Variants in TLL1 observed in about 807,000 individuals in gnomAD.
TLL1 encodes tolloid-like protein 1.
Under a neutral mutation model 128.2 loss-of-function variants are expected in TLL1, and 49 were observed. That is an observed-to-expected ratio of 0.38 (90% CI 0.30 to 0.48). TLL1 has a LOEUF of 0.48. TLL1 is among the 20% of genes least tolerant of loss of function. TLL1 has a pLI of 0.96. For synonymous variants in TLL1, 454 were observed against 418.8 expected, an observed-to-expected ratio of 1.08 and a Z score of -1.03; for missense variants, 1,123 against 1,242.0, an observed-to-expected ratio of 0.90 and a Z score of 1.44.
chr4:166,071,404 A>G (rs964839378), intron 16 of TLL1, among the ~76,000 whole-genome samples: 9 of 151,936 alleles, frequency 5.9e-5, no homozygotes, highest in African/African-American at 1.4e-4. Flanking sequence ...GAAAGCAGAC[A>G]TGTCCATTCC....
At chr4:165,874,165 C>T in intron 1 of TLL1, 92 bp downstream of exon 1, 1 of 1,495,280 alleles carries the variant, frequency 6.7e-7, no homozygotes, top group Non-Finnish European at 9.3e-7. Context: ...CTGTTTCCTT[C>T]CCTCCCGCGT....
intron 18 of TLL1, among the ~76,000 whole-genome samples, chr4:166,080,509 T>C (rs1168085097): frequency 1.3e-5 from 2 of 152,156 alleles, no homozygotes; most frequent in Non-Finnish European, 2.9e-5. Context: ...GATATAAACA[T>C]AGGGGCCATG....
chr4:165,919,488 TTTG>T (rs777464971), intron 1 of TLL1, among the ~76,000 whole-genome samples: 21 of 152,046 alleles, frequency 1.4e-4, no homozygotes, highest in Non-Finnish European at 2.4e-4. Context: ...TTATTACAAT[TTTG>T]TTGTTATTTA....
intron 1 of TLL1, among the ~76,000 whole-genome samples, chr4:165,877,440 A>C (rs377041365): frequency 1.3e-5 from 2 of 152,214 alleles, no homozygotes; most frequent in East Asian, 1.9e-4. Context: ...TGAATATACA[A>C]TCAGGTTTCT....
intron 16 of TLL1, among the ~76,000 whole-genome samples, chr4:166,068,910 C>T (rs1740692251): frequency 1.3e-5 from 2 of 151,750 alleles, no homozygotes; most frequent in Non-Finnish European, 2.9e-5. Context: ...AGTGTCTACA[C>T]AGCTAAGCAT....
At chr4:166,012,729 C>T (rs928703022) in intron 7 of TLL1, among the ~76,000 whole-genome samples, 2 of 151,676 alleles carry the variant, frequency 1.3e-5, no homozygotes, top group Non-Finnish European at 3.0e-5. Flanking sequence ...ATGAACTATG[C>T]ACAGATCTCA....
rs576192130 is a variant in TLL1, at chr4:166,061,465, G to A, written c.2007+1277G>A. 5.3e-5 allele frequency among the ~76,000 whole-genome samples: 8 copies of A among 152,048 alleles called. No individual in the cohort carries two copies. In the South Asian group the frequency reaches 1.2e-3, roughly 24 times the overall value. ...TCACCATGTTGGCCAGGCTAATCTC[G>A]AATTCTTGACTTCAAGTGATCCGCC... On this transcript the variant is annotated intron_variant, in intron 15 of 20. Transcript: ENST00000061240.
At chr4:165,902,932 C>T (rs1437557552) in intron 1 of TLL1, among the ~76,000 whole-genome samples, 1 of 152,122 alleles carries the variant, frequency 6.6e-6, no homozygotes, top group African/African-American at 2.4e-5. Context: ...TTCAGTTGGG[C>T]AACGATTTAA....
intron 1 of TLL1, among the ~76,000 whole-genome samples, chr4:165,909,481 A>T (rs1476296689): frequency 6.6e-6 from 1 of 152,198 alleles, no homozygotes; most frequent in Non-Finnish European, 1.5e-5. Flanking sequence ...GTAGATAAAG[A>T]AAAGAGTTCC....
chr4:166,025,226 C>A, intron 8 of TLL1, 90 bp from the exon 9 acceptor site: 1 of 919,070 alleles, frequency 1.1e-6, no homozygotes, highest in African/African-American at 1.6e-5. Flanking sequence ...GTCTTGTCTA[C>A]TACCAAAAAA....
chr4:165,996,489 A>T (rs919769521), intron 5 of TLL1, among the ~76,000 whole-genome samples: 20 of 152,148 alleles, frequency 1.3e-4, no homozygotes, highest in Non-Finnish European at 1.5e-5. Flanking sequence ...CGCACCTGTA[A>T]TCAGGAGGCT....
chr4:165,979,037 G>A (rs576350654), intron 1 of TLL1, among the ~76,000 whole-genome samples: 1 of 148,492 alleles, frequency 6.7e-6, no homozygotes, highest in African/African-American at 2.6e-5. Context: ...TTCTTTAACT[G>A]GTTGTTCTGT....
intron 8 of TLL1, among the ~76,000 whole-genome samples, chr4:166,015,749 AC>A (rs1421823618): frequency 1.3e-5 from 2 of 151,992 alleles, no homozygotes; most frequent in Non-Finnish European, 2.9e-5. Flanking sequence ...ATGTGATGGT[AC>A]GTAATTCATT....
intron 18 of TLL1, among the ~76,000 whole-genome samples, chr4:166,081,198 G>A (rs1211470824): frequency 6.6e-6 from 1 of 152,118 alleles, no homozygotes; most frequent in African/African-American, 2.4e-5. Flanking sequence ...TCCCCTAGGG[G>A]TAGTAGGTTT....
Position 166,100,685 on chromosome 4 carries a change from A to T in TLL1, c.2908-57A>T, listed in dbSNP as rs188149476. On this transcript the variant is annotated intron_variant, in intron 20 of 20. Transcript: ENST00000061240. ...TTCCCAAACATGCGTTACACTGAAG[A>T]AAAAGTGATTCGTTTTATTGCTTGT... 2.2e-5 allele frequency: 36 copies of T among 1,608,078 alleles called. No homozygotes were observed. In the African/African-American group the frequency reaches 4.5e-4, roughly 20 times the overall value.
intron 18 of TLL1, among the ~76,000 whole-genome samples, chr4:166,083,561 C>T (rs907926526): frequency 8.1e-6 from 1 of 123,060 alleles, no homozygotes; most frequent in Non-Finnish European, 1.9e-5. Flanking sequence ...CCACCCTAGC[C>T]TTTGGTCAAC....
chr4:165,926,001 G>C (rs1321274381), intron 1 of TLL1, among the ~76,000 whole-genome samples: 11 of 152,186 alleles, frequency 7.2e-5, no homozygotes, highest in East Asian at 5.8e-4. Context: ...CTACAGCGTA[G>C]TATAAATATA....
chr4:166,057,178 T>C lies in TLL1; in HGVS notation c.1721-6T>C. Reference sequence around the variant, plus strand: ...AGTTGTTCTATAACTATGACCATTTTCATAGAGGAAGATGAGTGTGCCAAA... The same window carrying C: ...AGTTGTTCTATAACTATGACCATTTCCATAGAGGAAGATGAGTGTGCCAAA... On this transcript the variant is annotated splice_region_variant and splice_polypyrimidine_tract_variant and intron_variant, in intron 13 of 20. Transcript: ENST00000061240. 1 of 1,613,764 alleles carries C rather than the reference T, an allele frequency of 6.2e-7. No homozygotes were observed. Among genetic ancestry groups the C allele is most frequent in the East Asian group, 2.2e-5 (1 of 44,826 alleles).
intron 19 of TLL1, among the ~76,000 whole-genome samples, chr4:166,097,021 G>A (rs886577408): frequency 6.6e-6 from 1 of 151,982 alleles, no homozygotes; most frequent in African/African-American, 2.4e-5. Context: ...AAATTTATAT[G>A]GGTTTTACTA....
Sources: allele counts gnomAD v4.1 joint callset (sites outside exome capture counted in the v4.1 genomes callset), GRCh38; gene constraint gnomAD v4.1.1; transcripts MANE v1.5; gene names NCBI Gene and HGNC (gene_info 2026-07-23, HGNC 2026-07-21).